CCDC91: variants seen among roughly 807,000 people sequenced by gnomAD.
CCDC91 encodes the protein coiled-coil domain-containing protein 91.
In CCDC91, 48 loss-of-function variants were observed where a neutral mutation model predicts 63.2. That is an observed-to-expected ratio of 0.76 (90% CI 0.60 to 0.97). The LOEUF (loss-of-function observed/expected upper bound fraction) is 0.97. Ranked by LOEUF, CCDC91 falls within the 50% of genes least tolerant of loss-of-function variation. The pLI, the probability that CCDC91 is intolerant of heterozygous loss-of-function variation, is 0.00. For synonymous variants in CCDC91, 167 were observed against 165.8 expected (o/e 1.01, Z -0.06); for missense variants, 500 against 494.6 (o/e 1.01, Z -0.10).
intron 1 of CCDC91, among the ~76,000 whole-genome samples, chr12:28,209,430 A>G (rs11519094): frequency 0.26 from 39,690 of 151,966 alleles, 5,453 homozygotes; most frequent in Non-Finnish European, 0.31. Flanking sequence ...TTAATTATTT[A>G]TTATTTCTTC....
chr12:28,452,298 G>A (rs186854178), intron 10 of CCDC91, among the ~76,000 whole-genome samples, 180 bp from the exon 11 acceptor site: 7 of 151,490 alleles, frequency 4.6e-5, no homozygotes, highest in Admixed American at 3.3e-4. Context: ...AGGAATATTT[G>A]TATAAAAAAG....
chr12:28,312,673 T>G (rs1217189352), intron 6 of CCDC91, among the ~76,000 whole-genome samples: 1 of 152,076 alleles, frequency 6.6e-6, no homozygotes, highest in Admixed American at 6.6e-5. Flanking sequence ...ACTCAAATCT[T>G]ATCTTGAATT....
chr12:28,197,250 A>C (rs1039480770), intron 1 of CCDC91, among the ~76,000 whole-genome samples: 5 of 152,112 alleles, frequency 3.3e-5, no homozygotes, highest in African/African-American at 1.2e-4. Context: ...TTTGAATTTC[A>C]GAAACAGAGT....
chr12:28,393,251 A>C (rs1386758462), intron 8 of CCDC91, among the ~76,000 whole-genome samples: 1 of 152,138 alleles, frequency 6.6e-6, no homozygotes, highest in Admixed American at 6.5e-5. Context: ...GGTCGTTTTA[A>C]GTAGCAAATA....
At chr12:28,211,008 T>G (rs1204934811) in intron 1 of CCDC91, among the ~76,000 whole-genome samples, 1 of 135,776 alleles carries the variant, frequency 7.4e-6, no homozygotes, top group Non-Finnish European at 1.7e-5. Flanking sequence ...TGGGCCATCT[T>G]GAACAGCGAG....
intron 1 of CCDC91, chr12:28,256,179 C>T (rs1365754511): frequency 6.6e-6 from 1 of 152,014 alleles, no homozygotes; most frequent in Non-Finnish European, 1.5e-5. Context: ...AAGACAAACT[C>T]CTGTCATGGG....
intron 8 of CCDC91, among the ~76,000 whole-genome samples, chr12:28,427,818 A>G (rs1948409280): frequency 1.3e-5 from 2 of 152,202 alleles, no homozygotes. Context: ...TTTATGTGTC[A>G]GAGCTGAAAC....
At chr12:28,373,169 A>C (rs1944728556) in intron 7 of CCDC91, among the ~76,000 whole-genome samples, 1 of 152,156 alleles carries the variant, frequency 6.6e-6, no homozygotes, top group South Asian at 2.1e-4. Flanking sequence ...ATGTCATCTC[A>C]TTGCCTTCTA....
intron 11 of CCDC91, among the ~76,000 whole-genome samples, chr12:28,483,423 G>A (rs1951549867): frequency 6.6e-6 from 1 of 151,996 alleles, no homozygotes; most frequent in African/African-American, 2.4e-5. Context: ...CAGAATTTTA[G>A]TTTGCTTTCT....
chr12:28,250,033 T>C (rs1229517070), intron 1 of CCDC91, among the ~76,000 whole-genome samples: 1 of 152,088 alleles, frequency 6.6e-6, no homozygotes, highest in African/African-American at 2.4e-5. Context: ...TGAGAGGGCA[T>C]ACATTTTTTG....
chr12:28,274,765 T>C (rs1287730633), intron 3 of CCDC91, among the ~76,000 whole-genome samples: 3 of 152,130 alleles, frequency 2.0e-5, no homozygotes, highest in African/African-American at 4.8e-5. Flanking sequence ...GTTTTGTAGG[T>C]ATACAATCAT....
In CCDC91 at chr12:28,306,938, T is replaced by C. The variant is rs762081797; in HGVS notation, c.464T>C (p.Ile155Thr). 1.3e-6 allele frequency: 2 copies of C among 1,589,454 alleles called. No homozygotes were observed. Among genetic ancestry groups the C allele is most frequent in the Non-Finnish European group, 1.7e-6 (2 of 1,159,666 alleles). ...LKVSEEEKQRIKQDVESLMEK... is the reference protein window; with the variant it reads ...LKVSEEEKQRTKQDVESLMEK... ...GTATCTGAAGAAGAAAAACAGAGAA[T>C]TAAACAGGTATATTTACATTTGCCT... Residue 155 changes from isoleucine (I) to threonine (T), a missense_variant, in exon 5 of 13, where the codon ATT becomes ACT. Coordinates refer to ENST00000536442, the MANE Select transcript of CCDC91 (RefSeq NM_018318.5).
chr12:28,330,301 C>T (rs943945201), intron 6 of CCDC91, among the ~76,000 whole-genome samples: 69 of 152,130 alleles, frequency 4.5e-4, no homozygotes, highest in African/African-American at 1.5e-3. Flanking sequence ...TTTTAATGAT[C>T]GCCATTCTAA....
At chr12:28,461,192 T>C (rs1378780060) in intron 11 of CCDC91, among the ~76,000 whole-genome samples, 2 of 152,046 alleles carry the variant, frequency 1.3e-5, no homozygotes, top group Admixed American at 1.3e-4. Context: ...TTGACAAAAA[T>C]ATCATCATAT....
At chr12:28,213,034 C>G (rs1943333391) in intron 1 of CCDC91, among the ~76,000 whole-genome samples, 2 of 152,128 alleles carry the variant, frequency 1.3e-5, no homozygotes, top group South Asian at 4.1e-4. Context: ...AATGGGGATG[C>G]ATGGAAAGAC....
chr12:28,487,403 T>G (rs1171312769), intron 12 of CCDC91, among the ~76,000 whole-genome samples: 2 of 151,826 alleles, frequency 1.3e-5, no homozygotes, highest in Non-Finnish European at 2.9e-5. Flanking sequence ...TATTTCAGTA[T>G]TTTGAGTTAA....
In CCDC91 at chr12:28,203,787, G is replaced by C. The variant is rs548624638; in HGVS notation, c.-15+13146G>C. On this transcript the variant is annotated intron_variant, in intron 1 of 12. Transcript: ENST00000536442. The stretch of plus-strand genomic sequence containing the variant: ...ACATTATTAGCCATTATGTAATTTT[G>C]TTCTTAAATAATTTGAGTCAGTTTT... Among the ~76,000 whole-genome samples the C allele has an allele frequency of 2.0e-5, 3 of 152,234 alleles. No homozygotes were observed. The South Asian group carries it at 6.2e-4, about 32-fold the overall frequency.
At chr12:28,368,661 T>C (rs1380991682) in intron 7 of CCDC91, among the ~76,000 whole-genome samples, 1 of 152,224 alleles carries the variant, frequency 6.6e-6, no homozygotes, top group Non-Finnish European at 1.5e-5. Context: ...TTTTAGTTGT[T>C]ACATGTTAAT....
At chr12:28,372,210 T>C (rs1257007332) in intron 7 of CCDC91, among the ~76,000 whole-genome samples, 1 of 152,218 alleles carries the variant, frequency 6.6e-6, no homozygotes, top group East Asian at 1.9e-4. Context: ...TCTAATTTTA[T>C]ACCAGTACCA....
Sources: gnomAD v4.1 joint callset for allele counts (sites outside exome capture counted in the v4.1 genomes callset) on GRCh38, gnomAD v4.1.1 for gene constraint, MANE v1.5 for transcripts, NCBI Gene and HGNC (gene_info 2026-07-23, HGNC 2026-07-21) for gene names.